SHC3: variants seen among roughly 807,000 people sequenced by gnomAD.
SHC3 encodes SHC-transforming protein 3.
A neutral mutation model predicts 60.4 loss-of-function variants in SHC3; 15 were observed. The ratio of observed to expected loss-of-function variants is 0.25; its 90% confidence interval spans 0.17 to 0.38. SHC3 has a LOEUF of 0.38. Ranked by LOEUF, SHC3 falls within the 10% of genes least tolerant of loss-of-function variation. The probability of loss-of-function intolerance (pLI) is 1.00; values close to 1 mark genes in which losing one functional copy is unlikely to be tolerated. For missense variants in SHC3, 677 were observed against 786.1 expected (o/e 0.86, Z 1.66); for synonymous variants, 294 against 325.9 (o/e 0.90, Z 1.05).
chr9:89,154,828 T>A (rs1037121192), intron 1 of SHC3, among the ~76,000 whole-genome samples: 5 of 152,110 alleles, frequency 3.3e-5, no homozygotes, highest in African/African-American at 1.2e-4. Flanking sequence ...CATCTGAAAA[T>A]CACAGCAATG....
At chr9:89,083,094 T>C (rs1270016686) in intron 2 of SHC3, among the ~76,000 whole-genome samples, 1 of 152,104 alleles carries the variant, frequency 6.6e-6, no homozygotes, top group Non-Finnish European at 1.5e-5. Flanking sequence ...GTCTCTCCCT[T>C]ACCAGCCACA....
intron 1 of SHC3, among the ~76,000 whole-genome samples, chr9:89,127,965 C>T (rs2118157107): frequency 6.6e-6 from 1 of 152,216 alleles, no homozygotes; most frequent in Non-Finnish European, 1.5e-5. Context: ...CTGAGGGCTC[C>T]ACCCTGAAAC....
At chr9:89,113,889 T>C (rs1011491199) in intron 1 of SHC3, among the ~76,000 whole-genome samples, 2 of 152,192 alleles carry the variant, frequency 1.3e-5, no homozygotes, top group African/African-American at 4.8e-5. Flanking sequence ...TGAATTAGGC[T>C]ACCATCAACA....
intron 6 of SHC3, among the ~76,000 whole-genome samples, chr9:89,063,146 T>C (rs1207231782): frequency 6.6e-6 from 1 of 152,224 alleles, no homozygotes; most frequent in African/African-American, 2.4e-5. Flanking sequence ...CAGCTTTTTT[T>C]TTGAGACGGA....
At chr9:89,105,888 G>A (rs1240061289) in intron 2 of SHC3, among the ~76,000 whole-genome samples, 1 of 152,118 alleles carries the variant, frequency 6.6e-6, no homozygotes, top group Non-Finnish European at 1.5e-5. Context: ...GAATGAATTG[G>A]TAGATATTAA....
Position 89,007,926 on chromosome 9 carries a change from C to T in SHC3, c.*5521G>A, listed in dbSNP as rs974396129. ...GCCACAGCCTGCCAATTCCCAAATTCTTCACGTTTGTTTGACTTCCTACTT... is the reference window on the plus strand; with the variant it reads ...GCCACAGCCTGCCAATTCCCAAATTTTTCACGTTTGTTTGACTTCCTACTT... On this transcript the variant is annotated 3_prime_UTR_variant, in exon 12 of 12. Transcript: ENST00000375835. 3.9e-5 allele frequency: 6 copies of T among 152,318 alleles called. No homozygotes were observed. Among genetic ancestry groups the T allele is most frequent in the African/African-American group, 1.4e-4 (6 of 41,466 alleles). The allele number at this position is 152,318 out of a possible 1,614,324, so 9.4% of individuals were successfully genotyped here. A position where few individuals can be genotyped will look rare whatever the true frequency, so the allele number is the denominator to read the frequency against.
chr9:89,032,392 A>G (rs571288294), intron 11 of SHC3, among the ~76,000 whole-genome samples: 1 of 152,246 alleles, frequency 6.6e-6, no homozygotes, highest in African/African-American at 2.4e-5. Context: ...CCCACAGGAA[A>G]CCCACCCACC....
At chr9:89,171,267 A>G (rs1211657895) in intron 1 of SHC3, among the ~76,000 whole-genome samples, 1 of 151,562 alleles carries the variant, frequency 6.6e-6, no homozygotes, top group Non-Finnish European at 1.5e-5. Context: ...GAAAGTTTCT[A>G]TTTGGGCAGG....
rs973470723 is a variant in SHC3 at position 89,178,682 on chromosome 9, G to C, written c.-222C>G. On this transcript the variant is annotated 5_prime_UTR_variant, in exon 1 of 12. Coordinates refer to ENST00000375835, the MANE Select transcript of SHC3 (RefSeq NM_016848.6). This position sits in a 1 kb window ranked among gnomAD's most constrained non-coding sequence, Gnocchi z 6.9. ...CGCAGCCCCGGCCCGGGAGACCGCT[G>C]CTTGGGGTTGCACGTTTGCTTTGCA... is the stretch of plus-strand genomic sequence containing the variant. The C allele has an allele frequency of 1.7e-5, 7 of 423,530 alleles. No homozygotes were observed. Among genetic ancestry groups the C allele is most frequent in the Non-Finnish European group, 2.5e-5 (6 of 240,952 alleles). 26.2% of individuals were successfully genotyped at this position (423,530 alleles called of 1,614,324 possible).
At chr9:89,120,152 G>T (rs1297368464) in intron 1 of SHC3, among the ~76,000 whole-genome samples, 1 of 152,004 alleles carries the variant, frequency 6.6e-6, no homozygotes, top group African/African-American at 2.4e-5. Context: ...TAAGAAACAA[G>T]ATATAAAAGC....
At chr9:89,045,956 A>G (rs1824767593) in intron 8 of SHC3, 123 bp from the exon 9 acceptor site, 2 of 837,830 alleles carry the variant, frequency 2.4e-6, no homozygotes, top group Admixed American at 4.6e-5. Context: ...TGTTACACCC[A>G]ATTTTCCCTT....
chr9:89,169,653 A>G (rs1434886636), intron 1 of SHC3, among the ~76,000 whole-genome samples: 1 of 152,030 alleles, frequency 6.6e-6, no homozygotes, highest in Admixed American at 6.5e-5. Flanking sequence ...CAGAAGAGCA[A>G]CAGGCAAAAC....
chr9:89,071,028 C>T (rs1825261640), intron 5 of SHC3, among the ~76,000 whole-genome samples, 171 bp downstream of exon 5: 2 of 152,072 alleles, frequency 1.3e-5, no homozygotes, highest in African/African-American at 4.8e-5. Flanking sequence ...CAGCTTACCC[C>T]TAAAAATAAA....
intron 7 of SHC3, among the ~76,000 whole-genome samples, chr9:89,047,288 A>T (rs187118964): frequency 6.6e-6 from 1 of 152,368 alleles, no homozygotes; most frequent in East Asian, 1.9e-4. Flanking sequence ...TCCTCAAGGG[A>T]CAGCACACAT....
intron 11 of SHC3, among the ~76,000 whole-genome samples, chr9:89,030,709 CAG>C (rs1824472869): frequency 6.6e-6 from 1 of 152,196 alleles, no homozygotes; most frequent in South Asian, 2.1e-4. Context: ...TTGTTGGAAT[CAG>C]AACCCAAATA....
At chr9:89,022,603 G>A (rs1219445322) in intron 11 of SHC3, among the ~76,000 whole-genome samples, 1 of 152,122 alleles carries the variant, frequency 6.6e-6, no homozygotes, top group Non-Finnish European at 1.5e-5. Flanking sequence ...ACACAACCCT[G>A]GGTGGAGATT....
At chr9:89,173,670 CTGTA>C (rs1298708019) in intron 1 of SHC3, among the ~76,000 whole-genome samples, 5 of 151,616 alleles carry the variant, frequency 3.3e-5, no homozygotes, top group Admixed American at 6.6e-5. Context: ...TGTGCAGTGT[CTGTA>C]TGGTTGTGTG....
intron 10 of SHC3, among the ~76,000 whole-genome samples, chr9:89,040,383 C>A (rs191938436): frequency 6.6e-6 from 1 of 151,446 alleles, no homozygotes; most frequent in Non-Finnish European, 1.5e-5. Context: ...CAATAGGCAC[C>A]AGCCTTTCTA....
At chr9:89,112,740 A>C in intron 1 of SHC3, 114 bp from the exon 2 acceptor site, 1 of 852,022 alleles carries the variant, frequency 1.2e-6, no homozygotes, top group African/African-American at 1.8e-5. Context: ...TCACATTTTA[A>C]CTTTAAATTC....
Sources: allele counts gnomAD v4.1 joint callset (sites outside exome capture counted in the v4.1 genomes callset), GRCh38; gene constraint gnomAD v4.1.1; non-coding constraint Gnocchi (gnomAD v3.1); transcripts MANE v1.5; gene names NCBI Gene and HGNC (gene_info 2026-07-23, HGNC 2026-07-21).